Variants in DES observed in about 807,000 individuals in gnomAD.
The protein encoded by DES is cardiomyopathy, dilated 1F (autosomal dominant).
DES carries 34 observed loss-of-function variants against 55.1 expected under a neutral mutation model. The observed-to-expected ratio is 0.62, with a 90% CI of 0.47 to 0.82. The LOEUF (loss-of-function observed/expected upper bound fraction) is 0.82, where lower values mean the gene tolerates loss of function less well. DES is among the 40% of genes least tolerant of loss of function. The pLI is 0.00. For missense variants in DES, 596 were observed against 645.9 expected (o/e 0.92, Z 0.84); for synonymous variants, 259 against 270.8 (o/e 0.96, Z 0.43).
At chr2:219,425,358 G>A (rs1422226554) in intron 7 of DES, among the ~76,000 whole-genome samples, 1 of 152,126 alleles carries the variant, frequency 6.6e-6, no homozygotes, top group Non-Finnish European at 1.5e-5. Context: ...GATGGGGAAT[G>A]TCAGTGCTGT....
Position 219,420,863 on chromosome 2 carries a change from C to T in DES, c.933C>T (p.Asn311=), listed in dbSNP as rs756434148. 41 of 1,613,642 alleles carry T rather than the reference C, an allele frequency of 2.5e-5. No individual in the cohort carries two copies. Among genetic ancestry groups the T allele is most frequent in the South Asian group, 5.5e-5 (5 of 91,070 alleles). The change falls in exon 5 of 9, where the codon AAC becomes AAT. Residue 311 remains asparagine, a synonymous_variant. Coordinates refer to ENST00000373960, the MANE Select transcript of DES (RefSeq NM_001927.4). The surrounding 1 kb of genome is among the most constrained non-coding windows in gnomAD (Gnocchi z 6.0). ...TGACCCAGGCAGCCAACAAGAACAACGACGCCCTGCGCCAGGCCAAGCAGG... is the reference window on the plus strand; with the variant it reads ...TGACCCAGGCAGCCAACAAGAACAATGACGCCCTGCGCCAGGCCAAGCAGG... ...SDLTQAANKN[N]DALRQAKQEM...
In DES at chr2:219,425,649, G is replaced by T. The variant is rs1954521488; in HGVS notation, c.1289-14G>T. The stretch of plus-strand genomic sequence containing the variant: ...GACTTGGTCAGGCTGAGTGTGCGAT[G>T]GACCCTGTTACAGAAACCAGCCCTG... On this transcript the variant is annotated splice_polypyrimidine_tract_variant and intron_variant, in intron 7 of 8. Coordinates refer to ENST00000373960, the MANE Select transcript of DES (RefSeq NM_001927.4). The T allele has an allele frequency of 3.2e-6, 5 of 1,561,686 alleles. No homozygotes were observed. Among genetic ancestry groups the T allele is most frequent in the African/African-American group, 1.4e-5 (1 of 73,572 alleles).
intron 6 of DES, 58 bp downstream of exon 6, chr2:219,421,618 T>C: frequency 6.5e-7 from 1 of 1,544,382 alleles, no homozygotes; most frequent in Non-Finnish European, 8.9e-7. Flanking sequence ...GGTCCATTTC[T>C]GTCCCCAGGA....
At position 219,421,386 on chromosome 2, in the gene DES, C is replaced by T. The variant is rs867886253; in HGVS notation, c.1070C>T (p.Ala357Val). ...ATGCGGGAATTGGAGGACCGATTTG[C>T]CAGTGAGGCCAGTGGCTACCAGGAC... ...RQMRELEDRF[A>V]SEASGYQDNI... The change falls in exon 6 of 9, where the codon GCC becomes GTC. Residue 357 changes from alanine (A) to valine (V), a missense_variant. By Grantham distance (64) the Ala-to-Val change is moderately conservative. Transcript: ENST00000373960. The T allele has an allele frequency of 6.2e-7, 1 of 1,614,096 alleles. No individual in the cohort carries two copies. Among genetic ancestry groups the T allele is most frequent in the East Asian group, 2.2e-5 (1 of 44,874 alleles).
In DES at chr2:219,418,651, C is replaced by CG. The variant is rs1370206753; in HGVS notation, c.194dup (p.Leu66ProfsTer52). 1 of 1,594,666 alleles carries CG rather than the reference C, an allele frequency of 6.3e-7. No individual in the cohort carries two copies. The highest frequency in any genetic ancestry group is 2.3e-5 in the East Asian group (1 of 44,196). ...AGGTGTCGCGCACGTCGGGCGGGGC[C>CG]GGGGGCCTGGGGTCGCTGCGGGCCA... On this transcript the variant is annotated frameshift_variant, in exon 1 of 9. Transcript: ENST00000373960. LOFTEE classifies it high-confidence loss of function.
chr2:219,420,988 T>A lies in DES; in HGVS notation c.1023+35T>A. The A allele has an allele frequency of 1.2e-6, 2 of 1,606,684 alleles. No homozygotes were observed. The highest frequency in any genetic ancestry group is 1.7e-6 in the Non-Finnish European group (2 of 1,177,340). On this transcript the variant is annotated intron_variant, in intron 5 of 8. Transcript: ENST00000373960. The surrounding 1 kb of genome is among the most constrained non-coding windows in gnomAD (Gnocchi z 6.0). ...TGCCCACCTGGCCAGGCCCTGCCCC[T>A]TCCTGTCTGCAGTTCACACCCTCAC...
chr2:219,420,319 C>T lies in DES; in HGVS notation c.708C>T (p.Ile236=), dbSNP rs886044078. The T allele has an allele frequency of 9.3e-6, 15 of 1,614,006 alleles. No homozygotes were observed. The highest frequency in any genetic ancestry group is 8.3e-5 in the Admixed American group (5 of 60,006). ...ERRIESLNEE[I]AFLKKVHEEE... is the part of the protein sequence containing the mutation. ...GAATTGAATCTCTCAACGAGGAGATCGCGTTCCTTAAGAAAGTGCATGAAG... is the reference window on the plus strand; with the variant it reads ...GAATTGAATCTCTCAACGAGGAGATTGCGTTCCTTAAGAAAGTGCATGAAG... Residue 236 remains isoleucine, a synonymous_variant, in exon 3 of 9, where the codon ATC becomes ATT. Transcript: ENST00000373960. The surrounding 1 kb of genome is among the most constrained non-coding windows in gnomAD (Gnocchi z 6.0).
rs1023421146 is a variant in DES at position 219,419,268 on chromosome 2, CA to C, written c.578+229del. Among the ~76,000 whole-genome samples the C allele has an allele frequency of 1.1e-4, 17 of 152,216 alleles. No individual in the cohort carries two copies. The highest frequency in any genetic ancestry group is 1.9e-4 in the East Asian group (1 of 5,194). On this transcript the variant is annotated intron_variant, in intron 1 of 8. Transcript: ENST00000373960. The surrounding 1 kb of genome is among the most constrained non-coding windows in gnomAD (Gnocchi z 4.3). ...CAGGAGTTTTCTTGGGGACATAGAT[CA>C]GGGGGTGGATATGGGAGAATTTAGG...
In DES at chr2:219,420,754, C is replaced by T. The variant is rs1168831618; in HGVS notation, c.898-74C>T. 13 of 1,613,430 alleles carry T rather than the reference C, an allele frequency of 8.1e-6. No individual in the cohort carries two copies. The highest frequency in any genetic ancestry group is 1.3e-5 in the African/African-American group (1 of 74,896). ...CATCCATGGGAGGAGAGCCCAGAGGCTTCATGCTCCCTTGCTCATCCCTAC... is the reference window on the plus strand; with the variant it reads ...CATCCATGGGAGGAGAGCCCAGAGGTTTCATGCTCCCTTGCTCATCCCTAC... On this transcript the variant is annotated intron_variant, in intron 4 of 8. Transcript: ENST00000373960. The surrounding 1 kb of genome is among the most constrained non-coding windows in gnomAD (Gnocchi z 6.0).
intron 8 of DES, 90 bp from the exon 9 acceptor site, chr2:219,425,859 A>T: frequency 1.9e-6 from 3 of 1,601,976 alleles, no homozygotes; most frequent in South Asian, 1.1e-5. Context: ...GGCAAGAGAG[A>T]TCCTGCGGCC....
rs1297244198 is a variant in DES at position 219,419,003 on chromosome 2, G to A, written c.541G>A (p.Asp181Asn). Reference protein sequence around the residue: ...NQRARVDVERDNLLDDLQRLK... With the variant: ...NQRARVDVERNNLLDDLQRLK... ...GCGCGCGCGCGTCGACGTCGAGCGC[G>A]ACAACCTGCTCGACGACCTGCAGCG... Residue 181 changes from aspartate (D) to asparagine (N), a missense_variant, in exon 1 of 9, where the codon GAC (aspartate) becomes AAC (asparagine). Coordinates refer to ENST00000373960, the MANE Select transcript of DES (RefSeq NM_001927.4). This position sits in a 1 kb window ranked among gnomAD's most constrained non-coding sequence, Gnocchi z 4.3. The A allele has an allele frequency of 5.2e-6, 8 of 1,548,028 alleles. No individual in the cohort carries two copies. Among genetic ancestry groups the A allele is most frequent in the South Asian group, 2.4e-5 (2 of 84,152 alleles).
Position 219,426,074 on chromosome 2 carries a change from A to G in DES, c.*84A>G, listed in dbSNP as rs564082825. The G allele has an allele frequency of 4.7e-6, 7 of 1,497,206 alleles. No individual in the cohort carries two copies. In the Admixed American group the frequency reaches 5.3e-5, roughly 11 times the overall value. The allele number at this position is 1,497,206 out of a possible 1,614,324, so 92.7% of individuals were successfully genotyped here. ...AGCCAGCCTTCTTCCATCCCAGGACACCACACCCAGCCTCAGTCCTCCCCT... is the reference window on the plus strand; with the variant it reads ...AGCCAGCCTTCTTCCATCCCAGGACGCCACACCCAGCCTCAGTCCTCCCCT... On this transcript the variant is annotated 3_prime_UTR_variant, in exon 9 of 9. Transcript: ENST00000373960. The surrounding 1 kb of genome is among the most constrained non-coding windows in gnomAD (Gnocchi z 4.5).
In DES at chr2:219,419,105, C is replaced by G. The variant is rs1221224988; in HGVS notation, c.578+65C>G. Reference sequence around the variant, plus strand: ...GGGCACAGGAGGCTAGGCCTGGGGTCTGGGGTCCCGCTGTCAGCACCTGCC... The same window carrying G: ...GGGCACAGGAGGCTAGGCCTGGGGTGTGGGGTCCCGCTGTCAGCACCTGCC... On this transcript the variant is annotated intron_variant, in intron 1 of 8. Transcript: ENST00000373960. The surrounding 1 kb of genome is among the most constrained non-coding windows in gnomAD (Gnocchi z 4.3). The G allele has an allele frequency of 1.3e-6, 2 of 1,533,966 alleles. No homozygotes were observed. Among genetic ancestry groups the G allele is most frequent in the East Asian group, 4.9e-5 (2 of 40,890 alleles).
intron 6 of DES, among the ~76,000 whole-genome samples, chr2:219,422,681 GACTCTA>G (rs1374760719): frequency 9.2e-5 from 14 of 151,954 alleles, no homozygotes; most frequent in Admixed American, 9.2e-4. Context: ...GGTCAGGCTG[GACTCTA>G]ACTCCTGACC....
rs1252919776 is a variant in DES at position 219,418,662 on chromosome 2, G to C, written c.200G>C (p.Gly67Ala). 1 of 1,586,070 alleles carries C rather than the reference G, an allele frequency of 6.3e-7. No individual in the cohort carries two copies. The stretch of plus-strand genomic sequence containing the variant: ...ACGTCGGGCGGGGCCGGGGGCCTGG[G>C]GTCGCTGCGGGCCAGCCGGCTGGGG... ...SRTSGGAGGL[G>A]SLRASRLGTT... The change falls in exon 1 of 9, where the codon GGG becomes GCG. Residue 67 changes from glycine (G) to alanine (A), a missense_variant. Coordinates refer to ENST00000373960, the MANE Select transcript of DES (RefSeq NM_001927.4).
At chr2:219,421,192 C>A in intron 5 of DES, 148 bp from the exon 6 acceptor site, 1 of 971,508 alleles carries the variant, frequency 1.0e-6, no homozygotes, top group Non-Finnish European at 1.6e-6. Context: ...CTATTTTATT[C>A]TGAGTGTTCA....
In DES at chr2:219,426,395, G is replaced by T; in HGVS notation, c.*405G>T. 2.9e-6 allele frequency: 1 copy of T among 349,494 alleles called. No individual in the cohort carries two copies. Among genetic ancestry groups the T allele is most frequent in the South Asian group, 2.7e-5 (1 of 36,630 alleles). The allele number at this position is 349,494 out of a possible 1,614,324, so 21.6% of individuals were successfully genotyped here. On this transcript the variant is annotated 3_prime_UTR_variant, in exon 9 of 9. Transcript: ENST00000373960. The surrounding 1 kb of genome is among the most constrained non-coding windows in gnomAD (Gnocchi z 4.5). ...GGACTGAGCCCCGCAGACCTCCCCA[G>T]CCCCTAGCCCAGGAGAGAGAAAGCC...
At chr2:219,422,463 C>CTTTTTTTTTT (rs71040455) in intron 6 of DES, among the ~76,000 whole-genome samples, 26,836 of 102,772 alleles carry the variant, frequency 0.26, 5,063 homozygotes, top group African/African-American at 0.29. Flanking sequence ...TGTTCTATAT[C>CTTTTTTTTTT]TTTTTTTTTT....
intron 6 of DES, among the ~76,000 whole-genome samples, 187 bp from the exon 7 acceptor site, chr2:219,423,590 C>T (rs1176066733): frequency 6.6e-6 from 1 of 152,062 alleles, no homozygotes; most frequent in African/African-American, 2.4e-5. Flanking sequence ...CAGGTGCCCG[C>T]CACCATGCCC....
Sources: gnomAD v4.1 joint callset for allele counts (sites outside exome capture counted in the v4.1 genomes callset) on GRCh38, gnomAD v4.1.1 for gene constraint, Gnocchi (gnomAD v3.1) non-coding constraint, MANE v1.5 for transcripts, NCBI Gene and HGNC (gene_info 2026-07-23, HGNC 2026-07-21) for gene names.